Variants in ERC2 observed in about 807,000 individuals in gnomAD.
The protein encoded by ERC2 is ELKS/RAB6-interacting/CAST family member 2, also known as ERC protein 2.
Under a neutral mutation model 114.8 loss-of-function variants are expected in ERC2, and 42 were observed. The observed-to-expected ratio is 0.37, with a 90% confidence interval of 0.29 to 0.47. The LOEUF is 0.47. Ranked by LOEUF, ERC2 falls within the 20% of genes least tolerant of loss-of-function variation. The pLI is 0.99. For synonymous variants in ERC2, 454 were observed against 425.5 expected (o/e 1.07, Z -0.82); for missense variants, 939 against 1,150.7 (o/e 0.82, Z 2.66).
intron 13 of ERC2, among the ~76,000 whole-genome samples, chr3:55,940,187 C>G (rs999691636): frequency 6.6e-6 from 1 of 152,042 alleles, no homozygotes; most frequent in Non-Finnish European, 1.5e-5. Flanking sequence ...TTGGAAGGTG[C>G]TTTTAAATCA....
At chr3:56,032,560 T>C (rs2074434367) in intron 7 of ERC2, among the ~76,000 whole-genome samples, 1 of 151,800 alleles carries the variant, frequency 6.6e-6, no homozygotes, top group Non-Finnish European at 1.5e-5. Context: ...GAATCCCAAA[T>C]AAATATAAAA....
intron 6 of ERC2, among the ~76,000 whole-genome samples, chr3:56,095,758 T>A (rs2078030407): frequency 6.6e-6 from 1 of 152,184 alleles, no homozygotes; most frequent in Non-Finnish European, 1.5e-5. Flanking sequence ...ATTGCCTGCA[T>A]TTCTAGTTTA....
intron 1 of ERC2, among the ~76,000 whole-genome samples, chr3:56,456,402 T>C (rs1314132450): frequency 6.6e-6 from 1 of 152,254 alleles, no homozygotes; most frequent in African/African-American, 2.4e-5. Context: ...AACACCTTTC[T>C]GAATATGTAC....
intron 3 of ERC2, among the ~76,000 whole-genome samples, chr3:56,270,247 C>G (rs1008568353): frequency 4.0e-5 from 6 of 151,708 alleles, no homozygotes; most frequent in Non-Finnish European, 8.8e-5. Flanking sequence ...TTTCCTTGAA[C>G]AACTGCCAGG....
intron 6 of ERC2, among the ~76,000 whole-genome samples, chr3:56,123,033 A>G (rs1006016224): frequency 2.6e-5 from 4 of 152,088 alleles, no homozygotes; most frequent in Non-Finnish European, 1.5e-5. Context: ...CTCTTATCTC[A>G]TTTAATCCTT....
At chr3:55,794,105 T>G (rs1321050722) in intron 14 of ERC2, among the ~76,000 whole-genome samples, 3 of 152,194 alleles carry the variant, frequency 2.0e-5, no homozygotes, top group Non-Finnish European at 4.4e-5. Flanking sequence ...CACCCTCTTT[T>G]ATTGGGAGTC....
intron 1 of ERC2, among the ~76,000 whole-genome samples, chr3:56,444,792 G>A (rs531601639): frequency 1.3e-4 from 20 of 152,174 alleles, no homozygotes; most frequent in Non-Finnish European, 1.3e-4. Flanking sequence ...CTGACAGACC[G>A]TGTGAGCTGA....
chr3:56,223,572 A>C (rs1300716292), intron 3 of ERC2, among the ~76,000 whole-genome samples: 1 of 151,536 alleles, frequency 6.6e-6, no homozygotes, highest in Non-Finnish European at 1.5e-5. Flanking sequence ...TTGACTTAGC[A>C]GGATAACCAC....
At chr3:55,705,163 G>A (rs2063417566) in intron 15 of ERC2, among the ~76,000 whole-genome samples, 1 of 152,070 alleles carries the variant, frequency 6.6e-6, no homozygotes, top group Admixed American at 6.5e-5. Flanking sequence ...AGGAGAGAAG[G>A]GTATGGTTTA....
chr3:55,699,901 C>T (rs976837703), intron 15 of ERC2, among the ~76,000 whole-genome samples: 2 of 152,046 alleles, frequency 1.3e-5, no homozygotes, highest in Non-Finnish European at 2.9e-5. Context: ...GATGGAAGTC[C>T]TGTATGGAAA....
In ERC2 at chr3:55,729,837, CAAAA is replaced by C. The variant is rs71096498; in HGVS notation, c.2712+4930_2712+4933del. ...AGGGTAATGCAGTGAGACTCTATCG[CAAAA>C]AAAAAAAAAAAAAAAAAAAAAAAAT... On this transcript the variant is annotated intron_variant, in intron 15 of 17. Transcript: ENST00000288221. Among the ~76,000 whole-genome samples the C allele has an allele frequency of 6.2e-4, 38 of 61,630 alleles. 1 individual carries two copies. The highest frequency in any genetic ancestry group is 2.3e-3 in the East Asian group (4 of 1,746). The allele number at this position is 61,630 out of a possible 152,430, so 40.4% of individuals were successfully genotyped here. A position where few individuals can be genotyped will look rare whatever the true frequency, so the allele number is the denominator to read the frequency against.
At chr3:55,916,432 A>G (rs1325790178) in intron 13 of ERC2, among the ~76,000 whole-genome samples, 2 of 152,186 alleles carry the variant, frequency 1.3e-5, no homozygotes, top group Non-Finnish European at 2.9e-5. Flanking sequence ...CTAAGATTCC[A>G]GTTGGTGTCA....
At chr3:55,665,218 C>T (rs915114404) in intron 17 of ERC2, among the ~76,000 whole-genome samples, 5 of 152,190 alleles carry the variant, frequency 3.3e-5, no homozygotes, top group Admixed American at 6.5e-5. Context: ...CTTCAAGCAG[C>T]GCTCTTTCCA....
chr3:56,007,564 C>T (rs947391005), intron 9 of ERC2, among the ~76,000 whole-genome samples: 2 of 152,064 alleles, frequency 1.3e-5, no homozygotes, highest in Non-Finnish European at 2.9e-5. Context: ...TCAGTAAATG[C>T]ATGTTTCACG....
chr3:56,304,665 A>G (rs1372434515), intron 2 of ERC2, among the ~76,000 whole-genome samples: 2 of 152,210 alleles, frequency 1.3e-5, no homozygotes, highest in African/African-American at 2.4e-5. Context: ...GTAATACATC[A>G]TGCCCAAGAT....
At chr3:55,838,571 A>G (rs1203290296) in intron 14 of ERC2, among the ~76,000 whole-genome samples, 3 of 152,042 alleles carry the variant, frequency 2.0e-5, no homozygotes, top group Non-Finnish European at 4.4e-5. Flanking sequence ...AGAGAAATTA[A>G]TAGCACTAAA....
chr3:56,292,644 G>A (rs2055171923), intron 3 of ERC2, among the ~76,000 whole-genome samples: 3 of 151,100 alleles, frequency 2.0e-5, no homozygotes, highest in Admixed American at 2.0e-4. Flanking sequence ...AATGGTTTAA[G>A]AGCTGAGACT....
intron 15 of ERC2, among the ~76,000 whole-genome samples, chr3:55,710,479 C>T (rs1559532495): frequency 6.6e-6 from 1 of 151,960 alleles, no homozygotes; most frequent in Non-Finnish European, 1.5e-5. Context: ...TGTGTTGAGT[C>T]ATATGGTTGT....
At chr3:55,569,283 T>G (rs1452680102) in intron 17 of ERC2, among the ~76,000 whole-genome samples, 2 of 151,894 alleles carry the variant, frequency 1.3e-5, no homozygotes, top group Non-Finnish European at 2.9e-5. Context: ...AAGAAAGGAT[T>G]AAAAAAAACT....
Sources: gnomAD v4.1 joint callset for allele counts (sites outside exome capture counted in the v4.1 genomes callset) on GRCh38, gnomAD v4.1.1 for gene constraint, MANE v1.5 for transcripts, NCBI Gene and HGNC (gene_info 2026-07-23, HGNC 2026-07-21) for gene names.